The following STMN2 variants were observed in gnomAD, a reference collection of about 807,000 sequenced individuals.
STMN2 encodes the protein stathmin 2, also known as stathmin-2.
In STMN2, 2 loss-of-function variants were observed where a neutral mutation model predicts 24.1. The observed-to-expected ratio is 0.08, with a 90% confidence interval of 0.03 to 0.26. The LOEUF (loss-of-function observed/expected upper bound fraction) is 0.26, where lower values mean the gene tolerates loss of function less well. STMN2 is among the 10% of genes least tolerant of loss of function. The pLI is 1.00. For synonymous variants in STMN2, 83 were observed against 77.5 expected (o/e 1.07, Z -0.37); for missense variants, 114 against 213.6 (o/e 0.53, Z 2.91).
chr8:79,614,413 G>A (rs554287257), intron 1 of STMN2, among the ~76,000 whole-genome samples: 1 of 152,314 alleles, frequency 6.6e-6, no homozygotes, highest in East Asian at 1.9e-4. Flanking sequence ...GAAATGAAAA[G>A]CTGAGGATTT....
intron 2 of STMN2, among the ~76,000 whole-genome samples, chr8:79,638,428 C>T (rs1304288821): frequency 6.6e-6 from 1 of 151,948 alleles, no homozygotes; most frequent in African/African-American, 2.4e-5. Flanking sequence ...TTTTATTGAG[C>T]TGTATTTAAA....
At chr8:79,634,833 CTCA>C (rs1056103000) in intron 1 of STMN2, among the ~76,000 whole-genome samples, 3 of 152,144 alleles carry the variant, frequency 2.0e-5, no homozygotes, top group African/African-American at 7.2e-5. Flanking sequence ...AATGCCCAAA[CTCA>C]TCTTCTGAGA....
At chr8:79,628,252 C>T (rs770066889) in intron 1 of STMN2, among the ~76,000 whole-genome samples, 1 of 151,972 alleles carries the variant, frequency 6.6e-6, no homozygotes, top group Non-Finnish European at 1.5e-5. Flanking sequence ...CAATCTCTGC[C>T]TCCTGGGTTC....
intron 2 of STMN2, among the ~76,000 whole-genome samples, chr8:79,640,148 C>T (rs538261657): frequency 7.3e-4 from 111 of 152,236 alleles, no homozygotes; most frequent in African/African-American, 2.6e-3. Flanking sequence ...TGCAGTGAGT[C>T]GAGATAGTGC....
At chr8:79,631,331 T>G (rs1461155564) in intron 1 of STMN2, 3 of 598,090 alleles carry the variant, frequency 5.0e-6, no homozygotes, top group Non-Finnish European at 6.3e-6. Context: ...CTTTATTTCA[T>G]TTGATATCCA....
intron 3 of STMN2, among the ~76,000 whole-genome samples, chr8:79,642,388 C>G (rs1810118786): frequency 6.6e-6 from 1 of 152,130 alleles, no homozygotes; most frequent in Non-Finnish European, 1.5e-5. Context: ...GGTAGTTAAT[C>G]CCATCAAGGT....
At chr8:79,638,530 G>C (rs896695882) in intron 2 of STMN2, among the ~76,000 whole-genome samples, 11 of 152,082 alleles carry the variant, frequency 7.2e-5, no homozygotes, top group African/African-American at 2.7e-4. Context: ...AACTTGACCT[G>C]GTATTTCTAT....
intron 1 of STMN2, among the ~76,000 whole-genome samples, chr8:79,624,775 A>G (rs915496371): frequency 1.3e-5 from 2 of 152,218 alleles, no homozygotes; most frequent in African/African-American, 4.8e-5. Context: ...CACAAAACAA[A>G]TAATAGCAGG....
intron 2 of STMN2, among the ~76,000 whole-genome samples, chr8:79,638,802 T>C (rs368348198): frequency 6.6e-6 from 1 of 152,278 alleles, no homozygotes; most frequent in East Asian, 1.9e-4. Flanking sequence ...TGGATGCAAA[T>C]ATAGGCAGTT....
intron 1 of STMN2, among the ~76,000 whole-genome samples, chr8:79,627,358 A>G (rs1809680601): frequency 6.6e-6 from 1 of 152,172 alleles, no homozygotes; most frequent in Non-Finnish European, 1.5e-5. Context: ...TTTATTGGGT[A>G]TGTTTATGAC....
At chr8:79,659,873 C>T (rs560578373) in intron 4 of STMN2, among the ~76,000 whole-genome samples, 17,965 of 149,860 alleles carry the variant, frequency 0.12, 1,434 homozygotes, top group Non-Finnish European at 0.18. Context: ...CTCCAAAAAG[C>T]CTGGATATAG....
chr8:79,616,104 G>C (rs576932566), intron 1 of STMN2, among the ~76,000 whole-genome samples: 1 of 152,180 alleles, frequency 6.6e-6, no homozygotes, highest in Non-Finnish European at 1.5e-5. Context: ...GCAGCTTAGC[G>C]AGTAAAACAG....
chr8:79,654,684 C>T (rs770376144), intron 3 of STMN2, among the ~76,000 whole-genome samples, 187 bp from the exon 4 acceptor site: 17 of 152,272 alleles, frequency 1.1e-4, no homozygotes, highest in South Asian at 2.1e-4. Context: ...TTCAGCTAAC[C>T]GCATTTCCCA....
intron 1 of STMN2, chr8:79,621,063 C>G (rs1250886963): frequency 4.1e-6 from 4 of 975,210 alleles, no homozygotes; most frequent in Middle Eastern, 5.2e-4. Flanking sequence ...GTCTAAGTCC[C>G]CATCAGCTCT....
At chr8:79,655,567 TCACA>T (rs1806325796) in intron 4 of STMN2, among the ~76,000 whole-genome samples, 2 of 152,238 alleles carry the variant, frequency 1.3e-5, no homozygotes, top group Admixed American at 6.5e-5. Context: ...TATAATAGCA[TCACA>T]TGGGACCATA....
chr8:79,616,777 T>C (rs747165292), intron 1 of STMN2, among the ~76,000 whole-genome samples: 10 of 152,320 alleles, frequency 6.6e-5, no homozygotes, highest in Non-Finnish European at 1.3e-4. Flanking sequence ...TTCTGCCCCA[T>C]CACTCTCTCT....
At chr8:79,628,935 T>C (rs752222779) in intron 1 of STMN2, among the ~76,000 whole-genome samples, 25 of 152,244 alleles carry the variant, frequency 1.6e-4, no homozygotes, top group Non-Finnish European at 3.4e-4. Flanking sequence ...CAGAAAATTA[T>C]ACTAATTGAA....
intron 1 of STMN2, among the ~76,000 whole-genome samples, chr8:79,625,847 A>G (rs1809640166): frequency 1.3e-5 from 2 of 152,148 alleles, no homozygotes; most frequent in African/African-American, 4.8e-5. Context: ...AATCCCAGCT[A>G]CTTGGGAGGC....
intron 1 of STMN2, among the ~76,000 whole-genome samples, chr8:79,618,374 T>A: frequency 6.6e-6 from 1 of 152,194 alleles, no homozygotes; most frequent in East Asian, 1.9e-4. Flanking sequence ...GATGACCAGT[T>A]CCAGAAATAA....
Sources: allele counts gnomAD v4.1 joint callset (sites outside exome capture counted in the v4.1 genomes callset), GRCh38; gene constraint gnomAD v4.1.1; transcripts MANE v1.5; gene names NCBI Gene and HGNC (gene_info 2026-07-23, HGNC 2026-07-21).